The following PARP8 variants were observed in gnomAD, a reference collection of about 807,000 sequenced individuals.
PARP8 encodes the protein protein mono-ADP-ribosyltransferase PARP8.
PARP8 carries 51 observed loss-of-function variants against 124.1 expected under a neutral mutation model. That is an observed-to-expected ratio of 0.41 (90% CI 0.33 to 0.52). PARP8 has a LOEUF of 0.52. Among genes scored for constraint, PARP8 ranks in the 20% least tolerant of loss-of-function variants. The pLI is 0.21. For synonymous variants in PARP8, 391 were observed against 361.5 expected (o/e 1.08, Z -0.93); for missense variants, 860 against 1,018.9 (o/e 0.84, Z 2.12).
intron 20 of PARP8, 111 bp downstream of exon 20, chr5:50,828,167 C>A: frequency 9.0e-7 from 1 of 1,117,204 alleles, no homozygotes; most frequent in Non-Finnish European, 1.3e-6. Context: ...GATGGTCATT[C>A]AACAGATGGT....
rs192922097 is a variant in PARP8 at position 50,671,743 on chromosome 5, A to T, written c.146+3618A>T. 2.6e-5 allele frequency among the ~76,000 whole-genome samples: 4 copies of T among 152,288 alleles called. No individual in the cohort carries two copies. The East Asian group carries it at 7.7e-4, about 29-fold the overall frequency. On this transcript the variant is annotated intron_variant, in intron 2 of 25. Transcript: ENST00000281631. Reference sequence around the variant, plus strand: ...TTCTTTCCTTTAGAAAAGACATGAGACTAAAGAATGTTTATTAAGTTGAGA... The same window carrying T: ...TTCTTTCCTTTAGAAAAGACATGAGTCTAAAGAATGTTTATTAAGTTGAGA...
chr5:50,713,688 A>G (rs1295903475), intron 2 of PARP8, among the ~76,000 whole-genome samples: 1 of 152,078 alleles, frequency 6.6e-6, no homozygotes, highest in East Asian at 1.9e-4. Context: ...GAATTTACCA[A>G]TATGATTAAA....
intron 2 of PARP8, among the ~76,000 whole-genome samples, chr5:50,697,003 T>C (rs1753103780): frequency 6.6e-6 from 1 of 152,112 alleles, no homozygotes; most frequent in Non-Finnish European, 1.5e-5. Flanking sequence ...GCGGGGTGGC[T>C]CATGCCTGTA....
intron 14 of PARP8, among the ~76,000 whole-genome samples, chr5:50,811,527 A>T (rs1261807991): frequency 6.6e-6 from 1 of 151,960 alleles, no homozygotes; most frequent in Non-Finnish European, 1.5e-5. Flanking sequence ...TTTTTCCTGG[A>T]TTGAAAATTA....
intron 14 of PARP8, among the ~76,000 whole-genome samples, chr5:50,801,753 A>G (rs1322030276): frequency 6.6e-6 from 1 of 152,004 alleles, no homozygotes; most frequent in African/African-American, 2.4e-5. Flanking sequence ...AATTGTTTTT[A>G]CCTTCAGTTC....
intron 2 of PARP8, among the ~76,000 whole-genome samples, chr5:50,710,503 G>GT (rs1481378039): frequency 1.2e-4 from 18 of 151,748 alleles, no homozygotes; most frequent in African/African-American, 3.9e-4. Flanking sequence ...TTTTAAAAAA[G>GT]TTTTTTTTCT....
intron 3 of PARP8, among the ~76,000 whole-genome samples, chr5:50,755,780 C>T (rs1204953598): frequency 6.6e-6 from 1 of 152,130 alleles, no homozygotes; most frequent in Non-Finnish European, 1.5e-5. Flanking sequence ...GCAATATGGC[C>T]ATTTTCACGA....
At chr5:50,773,503 T>G (rs1184351452) in intron 7 of PARP8, among the ~76,000 whole-genome samples, 1 of 152,166 alleles carries the variant, frequency 6.6e-6, no homozygotes, top group East Asian at 1.9e-4. Flanking sequence ...TGTATTTCTG[T>G]GTTCTCTATT....
chr5:50,701,602 A>C (rs975647267), intron 2 of PARP8, among the ~76,000 whole-genome samples: 9 of 152,148 alleles, frequency 5.9e-5, no homozygotes, highest in African/African-American at 2.2e-4. Flanking sequence ...TTGACTAATA[A>C]GATTGGTTCT....
intron 7 of PARP8, among the ~76,000 whole-genome samples, chr5:50,772,896 G>A (rs1045602435): frequency 6.6e-6 from 1 of 151,516 alleles, no homozygotes; most frequent in South Asian, 2.1e-4. Context: ...ACAGGGTTTC[G>A]CCATGTTGGC....
chr5:50,709,522 T>C (rs1754502918), intron 2 of PARP8, among the ~76,000 whole-genome samples: 1 of 152,026 alleles, frequency 6.6e-6, no homozygotes, highest in South Asian at 2.1e-4. Flanking sequence ...TGTTGTAGGC[T>C]TTTCTCAAAT....
At chr5:50,837,479 T>G (rs1323011908) in intron 25 of PARP8, among the ~76,000 whole-genome samples, 1 of 152,168 alleles carries the variant, frequency 6.6e-6, no homozygotes, top group African/African-American at 2.4e-5. Context: ...TCAATTTCTG[T>G]TCTTTTTATT....
chr5:50,781,121 C>T (rs1740621804), intron 9 of PARP8, among the ~76,000 whole-genome samples: 1 of 152,094 alleles, frequency 6.6e-6, no homozygotes, highest in Non-Finnish European at 1.5e-5. Flanking sequence ...TTCTTTCATC[C>T]TTCATATCTG....
chr5:50,780,145 C>T (rs921387051), intron 9 of PARP8, among the ~76,000 whole-genome samples: 2 of 152,004 alleles, frequency 1.3e-5, no homozygotes, highest in African/African-American at 4.8e-5. Context: ...TAGCTATGCA[C>T]CTTAATGTTA....
chr5:50,748,837 T>G (rs1218838517), intron 2 of PARP8, among the ~76,000 whole-genome samples: 1 of 152,240 alleles, frequency 6.6e-6, no homozygotes, highest in Non-Finnish European at 1.5e-5. Context: ...TGTTTCAGAT[T>G]TTCTGAGCTT....
At chr5:50,837,134 C>A (rs1747669970) in intron 25 of PARP8, among the ~76,000 whole-genome samples, 1 of 152,014 alleles carries the variant, frequency 6.6e-6, no homozygotes, top group African/African-American at 2.4e-5. Flanking sequence ...GAGGTTAAAT[C>A]ATGTGAATAA....
At chr5:50,725,787 GTC>G (rs1756367143) in intron 2 of PARP8, among the ~76,000 whole-genome samples, 1 of 152,144 alleles carries the variant, frequency 6.6e-6, no homozygotes, top group Non-Finnish European at 1.5e-5. Flanking sequence ...TCTTAAGATA[GTC>G]TTTCTAAAAT....
At chr5:50,812,749 C>A (rs1364876584) in intron 14 of PARP8, among the ~76,000 whole-genome samples, 1 of 152,138 alleles carries the variant, frequency 6.6e-6, no homozygotes, top group Non-Finnish European at 1.5e-5. Flanking sequence ...AGTCTTTAAT[C>A]CATCTTGAAT....
chr5:50,741,869 G>C (rs1315740146), intron 2 of PARP8: 8 of 441,482 alleles, frequency 1.8e-5, no homozygotes, highest in Non-Finnish European at 3.6e-5. Context: ...GGGTGCAATA[G>C]CGCGATCTCA....
Sources: gnomAD v4.1 joint callset for allele counts (sites outside exome capture counted in the v4.1 genomes callset) on GRCh38, gnomAD v4.1.1 for gene constraint, MANE v1.5 for transcripts, NCBI Gene and HGNC (gene_info 2026-07-23, HGNC 2026-07-21) for gene names.